ABCA5: variants seen among roughly 807,000 people sequenced by gnomAD.
The protein encoded by ABCA5 is ATP binding cassette subfamily A member 5.
In ABCA5, 163 loss-of-function variants were observed where a neutral mutation model predicts 206.0. That is an observed-to-expected ratio of 0.79 (90% CI 0.70 to 0.90). The LOEUF is 0.90. Ranked by LOEUF, ABCA5 falls within the 40% of genes least tolerant of loss-of-function variation. The pLI, the probability that ABCA5 is intolerant of heterozygous loss-of-function variation, is 0.00. For missense variants in ABCA5, 1,859 were observed against 1,912.9 expected (o/e 0.97, Z 0.53); for synonymous variants, 609 against 613.8 (o/e 0.99, Z 0.11).
chr17:69,253,728 A>G, intron 33 of ABCA5, 61 bp from the exon 34 acceptor site: 5 of 1,579,782 alleles, frequency 3.2e-6, no homozygotes, highest in Non-Finnish European at 4.3e-6. Context: ...GGAATCTATC[A>G]AGACAATATC....
chr17:69,302,638 G>A (rs1390311120), intron 8 of ABCA5, 80 bp downstream of exon 8: 1 of 974,358 alleles, frequency 1.0e-6, no homozygotes, highest in African/African-American at 1.7e-5. Context: ...TAAATCAAAG[G>A]TAGTATTCAT....
chr17:69,308,275 T>C lies in ABCA5; in HGVS notation c.558+5A>G. ...TTTTTGTATTTCTTCCTTTATCATA[T>C]TTACCTGTATAATGGCAGCATCTAT... On this transcript the variant is annotated splice_donor_5th_base_variant and intron_variant, in intron 5 of 38. Transcript: ENST00000392676. The C allele has an allele frequency of 1.3e-6, 2 of 1,557,918 alleles. No homozygotes were observed. The highest frequency in any genetic ancestry group is 2.3e-5 in the South Asian group (2 of 88,674).
At chr17:69,303,561 T>G (rs567126927) in intron 7 of ABCA5, among the ~76,000 whole-genome samples, 65 of 148,398 alleles carry the variant, frequency 4.4e-4, no homozygotes, top group African/African-American at 1.6e-3. Context: ...TCAACAAAAA[T>G]TTTAAGTACA....
chr17:69,253,580 G>C lies in ABCA5; in HGVS notation c.4408C>G (p.His1470Asp), dbSNP rs375563778. 3 of 1,610,980 alleles carry C rather than the reference G, an allele frequency of 1.9e-6. No individual in the cohort carries two copies. The highest frequency in any genetic ancestry group is 2.5e-6 in the Non-Finnish European group (3 of 1,177,372). The change falls in exon 34 of 39, where the codon CAC becomes GAC. Residue 1470 changes from histidine (H) to aspartate (D), a missense_variant. By Grantham distance (81) the His-to-Asp change is moderately conservative. Transcript: ENST00000392676. Reference protein sequence around the residue: ...STGMDPKAKQHMWRAIRTAFK... With the variant: ...STGMDPKAKQDMWRAIRTAFK... ...CACAAGTACCATACTCACCACATGTGCTGTTTGGCTTTGGGATCCATACCT... is the reference window on the plus strand; with the variant it reads ...CACAAGTACCATACTCACCACATGTCCTGTTTGGCTTTGGGATCCATACCT...
chr17:69,271,379 A>AT (rs2075272201), intron 20 of ABCA5, 90 bp from the exon 21 acceptor site: 1 of 1,362,726 alleles, frequency 7.3e-7, no homozygotes. Flanking sequence ...TTAGAGAAAT[A>AT]TTTTATTTTC....
intron 19 of ABCA5, among the ~76,000 whole-genome samples, chr17:69,276,662 G>T (rs1044696299): frequency 6.6e-5 from 10 of 152,144 alleles, no homozygotes; most frequent in African/African-American, 2.2e-4. Context: ...TGGAGGGTTG[G>T]GACTGGGGAG....
At chr17:69,287,558 C>T (rs752141225) in intron 15 of ABCA5, 55 bp downstream of exon 15, 1 of 1,561,444 alleles carries the variant, frequency 6.4e-7, no homozygotes, top group Non-Finnish European at 8.7e-7. Context: ...ATCTCTATAT[C>T]CATCTTCCTT....
chr17:69,319,003 C>CA (rs1329806738), intron 1 of ABCA5: 1 of 486,890 alleles, frequency 2.1e-6, no homozygotes, highest in Non-Finnish European at 3.7e-6. Context: ...GTCTCCCTCT[C>CA]AAAAGGGCCT....
chr17:69,281,397 T>C lies in ABCA5; in HGVS notation c.2392+2556A>G, dbSNP rs911279536. ...GGAGACTTGCTTCTTTTTTTAGTTA[T>C]TTAATTCCATTAAGGCCACGCACTT... is the stretch of plus-strand genomic sequence containing the variant. On this transcript the variant is annotated intron_variant, in intron 18 of 38. Coordinates refer to ENST00000392676, the MANE Select transcript of ABCA5 (RefSeq NM_172232.4). Among the ~76,000 whole-genome samples the C allele has an allele frequency of 8.5e-5, 13 of 152,282 alleles. No individual in the cohort carries two copies. The South Asian group carries it at 2.1e-3, about 24-fold the overall frequency.
chr17:69,274,839 C>CTTTTTTTTTTTTTTTTTTTTTTTTT (rs3052556), intron 19 of ABCA5, among the ~76,000 whole-genome samples: 7 of 85,746 alleles, frequency 8.2e-5, no homozygotes, highest in African/African-American at 3.1e-4. Context: ...TAACCATTTA[C>CTTTTTTTTTTTTTTTTTTTTTTTTT]TTTTTTTTTT....
chr17:69,248,371 A>T, intron 37 of ABCA5, 54 bp from the exon 38 acceptor site: 1 of 1,061,030 alleles, frequency 9.4e-7, no homozygotes, highest in Non-Finnish European at 1.4e-6. Context: ...AAAAATGGCA[A>T]TACCTACCAA....
intron 9 of ABCA5, among the ~76,000 whole-genome samples, chr17:69,298,289 G>A (rs180697792): frequency 0.21 from 9,590 of 45,934 alleles, 663 homozygotes; most frequent in East Asian, 0.45. Context: ...GGAAGGGAGG[G>A]AGGGGAAAGA....
intron 1 of ABCA5, among the ~76,000 whole-genome samples, chr17:69,322,897 T>G (rs993720222): frequency 1.3e-5 from 2 of 152,244 alleles, no homozygotes; most frequent in Non-Finnish European, 2.9e-5. Context: ...GTCATCCTGA[T>G]GTTTAGAGCC....
chr17:69,281,461 G>T (rs2075393107), intron 18 of ABCA5, among the ~76,000 whole-genome samples: 1 of 152,124 alleles, frequency 6.6e-6, no homozygotes, highest in African/African-American at 2.4e-5. Context: ...TCCACAATTT[G>T]TGAGGGTGAA....
intron 22 of ABCA5, among the ~76,000 whole-genome samples, chr17:69,269,550 T>G (rs923807636): frequency 6.6e-6 from 1 of 152,132 alleles, no homozygotes; most frequent in African/African-American, 2.4e-5. Context: ...CCTAATTATA[T>G]ATCCAAGAGA....
At chr17:69,284,095 T>A (rs377761083) in intron 17 of ABCA5, 23 bp from the exon 18 acceptor site, 3 of 1,496,340 alleles carry the variant, frequency 2.0e-6, no homozygotes, top group Admixed American at 4.6e-5. Flanking sequence ...AATGAAAGAA[T>A]AGTATATCTT....
At chr17:69,312,898 C>T (rs112914) in intron 3 of ABCA5, among the ~76,000 whole-genome samples, 194 bp downstream of exon 3, 33,902 of 151,530 alleles carry the variant, frequency 0.22, 4,253 homozygotes, top group East Asian at 0.5. Flanking sequence ...TTCCTACCAC[C>T]AAGAATATAA....
In ABCA5 at chr17:69,259,784, C is replaced by T; in HGVS notation, c.3653G>A (p.Cys1218Tyr). ...TTGTAAGAGGAAAATCCACAGTACA[C>T]ACTGCAGGTAAGGCTAAAAGAAGAA... Reference protein sequence around the residue: ...SVAVISPYLQCVLWIFLLQYY... With the variant: ...SVAVISPYLQYVLWIFLLQYY... Residue 1218 changes from cysteine (C) to tyrosine (Y), a missense_variant, in exon 28 of 39, where the codon TGT becomes TAT. Coordinates refer to ENST00000392676, the MANE Select transcript of ABCA5 (RefSeq NM_172232.4). The T allele has an allele frequency of 1.2e-6, 2 of 1,602,152 alleles. No individual in the cohort carries two copies. Among genetic ancestry groups the T allele is most frequent in the Non-Finnish European group, 1.7e-6 (2 of 1,171,486 alleles).
chr17:69,298,210 C>A (rs937375172), intron 9 of ABCA5, among the ~76,000 whole-genome samples: 2 of 60,802 alleles, frequency 3.3e-5, no homozygotes, highest in Non-Finnish European at 6.7e-5. Context: ...AAAACCCTGT[C>A]GGAAGGAAGG....
Sources: gnomAD v4.1 joint callset for allele counts (sites outside exome capture counted in the v4.1 genomes callset) on GRCh38, gnomAD v4.1.1 for gene constraint, MANE v1.5 for transcripts, NCBI Gene and HGNC (gene_info 2026-07-23, HGNC 2026-07-21) for gene names.